The following DEFB104A variants were observed in gnomAD, a reference collection of about 807,000 sequenced individuals.
DEFB104A encodes the protein beta-defensin 104.
At chr8:7,837,533 A>G (rs1817673508) in intron 1 of DEFB104A, among the ~76,000 whole-genome samples, 1 of 140,650 alleles carries the variant, frequency 7.1e-6, no homozygotes, top group Non-Finnish European at 1.5e-5. Flanking sequence ...GTCATTTCCC[A>G]AAGACACTTC....
At chr8:7,837,446 T>C (rs1003059324) in intron 1 of DEFB104A, among the ~76,000 whole-genome samples, 4 of 142,830 alleles carry the variant, frequency 2.8e-5, no homozygotes, top group African/African-American at 1.0e-4. Flanking sequence ...GTGCCTCCAC[T>C]GTGATTCAGA....
At chr8:7,836,675 G>T in intron 1 of DEFB104A, 133 bp downstream of exon 1, 1 of 1,166,874 alleles carries the variant, frequency 8.6e-7, no homozygotes, top group Non-Finnish European at 1.2e-6. Flanking sequence ...TTTTCTCTTT[G>T]CTTTCATTGG....
chr8:7,839,047 T>C (rs1278860874), intron 1 of DEFB104A, among the ~76,000 whole-genome samples: 1 of 143,318 alleles, frequency 7.0e-6, no homozygotes, highest in Admixed American at 7.1e-5. Context: ...TTTTGCATTC[T>C]GTTTACTGAG....
chr8:7,838,704 A>ACAG (rs1554583356), intron 1 of DEFB104A, among the ~76,000 whole-genome samples: 1 of 135,420 alleles, frequency 7.4e-6, no homozygotes, highest in African/African-American at 2.6e-5. Flanking sequence ...AAACAAACAA[A>ACAG]AAAAAAAACA....
intron 1 of DEFB104A, among the ~76,000 whole-genome samples, chr8:7,839,286 C>G (rs1480511141): frequency 6.9e-6 from 1 of 144,630 alleles, no homozygotes; most frequent in South Asian, 2.2e-4. Context: ...AGCAAGCATG[C>G]TGTCCTCTTT....
At chr8:7,836,924 C>A (rs561687430) in intron 1 of DEFB104A, among the ~76,000 whole-genome samples, 1 of 142,716 alleles carries the variant, frequency 7.0e-6, no homozygotes, top group South Asian at 2.4e-4. Flanking sequence ...GAATAAGATG[C>A]CTTCCCCCAT....
chr8:7,836,798 T>C, intron 1 of DEFB104A, among the ~76,000 whole-genome samples: 1 of 143,858 alleles, frequency 7.0e-6, no homozygotes, highest in South Asian at 2.4e-4. Context: ...CTAGATGTCC[T>C]TGGCACCCTG....
chr8:7,838,732 C>A lies in DEFB104A; in HGVS notation c.58+2190C>A, dbSNP rs145681154. On this transcript the variant is annotated intron_variant, in intron 1 of 1. Coordinates refer to ENST00000314265, the MANE Select transcript of DEFB104A (RefSeq NM_080389.3). ...AAAAAACAAAGCAAATCTTACACGT[C>A]TTGATTGATGTATTATGTCTCCCTA... Among the ~76,000 whole-genome samples the A allele has an allele frequency of 4.8e-3, 648 of 135,922 alleles. 7 individuals are homozygous for A. Among genetic ancestry groups the A allele is most frequent in the African/African-American group, 0.015 (532 of 35,840 alleles). 89.2% of individuals were successfully genotyped at this position (135,922 alleles called of 152,430 possible).
chr8:7,837,211 A>T (rs371209599), intron 1 of DEFB104A, among the ~76,000 whole-genome samples: 4,372 of 124,116 alleles, frequency 0.035, 106 homozygotes, highest in Non-Finnish European at 0.044. Flanking sequence ...TGGATATGAG[A>T]GAGCACCTAA....
At chr8:7,839,221 G>A (rs1310217890) in intron 1 of DEFB104A, among the ~76,000 whole-genome samples, 2 of 146,068 alleles carry the variant, frequency 1.4e-5, no homozygotes, top group African/African-American at 4.9e-5. Flanking sequence ...TAAAGGTTGT[G>A]TTCTCTTCCT....
chr8:7,839,176 G>C (rs540626850), intron 1 of DEFB104A, among the ~76,000 whole-genome samples: 1 of 145,870 alleles, frequency 6.9e-6, no homozygotes, highest in Admixed American at 6.9e-5. Context: ...TAGATGGCCT[G>C]TGAGGGCTTG....
chr8:7,837,058 G>A lies in DEFB104A; in HGVS notation c.58+516G>A, dbSNP rs866777930. Among the ~76,000 whole-genome samples, 18 of 141,846 alleles carry A rather than the reference G, an allele frequency of 1.3e-4. 1 individual carries two copies. Among genetic ancestry groups the A allele is most frequent in the Admixed American group, 1.1e-3 (15 of 13,640 alleles). 93.1% of individuals were successfully genotyped at this position (141,846 alleles called of 152,430 possible). On this transcript the variant is annotated intron_variant, in intron 1 of 1. Coordinates refer to ENST00000314265, the MANE Select transcript of DEFB104A (RefSeq NM_080389.3). ...AAAGGGGATGCAGTGATTTCAGTAGGCAAGAACGTAATTTACTGACAACAC... is the reference window on the plus strand; with the variant it reads ...AAAGGGGATGCAGTGATTTCAGTAGACAAGAACGTAATTTACTGACAACAC...
rs1279016773 is a variant in DEFB104A, at chr8:7,836,461, C to A, written c.-24C>A. On this transcript the variant is annotated 5_prime_UTR_variant, in exon 1 of 2. Transcript: ENST00000314265. The stretch of plus-strand genomic sequence containing the variant: ...GGTGATTCCCTCCGACTTGCGTCTG[C>A]TTCTCGCCAGCAGCCCCAGCATTAT... 1 of 1,296,492 alleles carries A rather than the reference C, an allele frequency of 7.7e-7. No individual in the cohort carries two copies. Among genetic ancestry groups the A allele is most frequent in the Non-Finnish European group, 1.1e-6 (1 of 945,720 alleles). 80.3% of individuals were successfully genotyped at this position (1,296,492 alleles called of 1,614,324 possible). A position where few individuals can be genotyped will look rare whatever the true frequency, so the allele number is the denominator to read the frequency against.
chr8:7,839,247 T>C (rs1203102842), intron 1 of DEFB104A, among the ~76,000 whole-genome samples: 1 of 144,812 alleles, frequency 6.9e-6, no homozygotes, highest in East Asian at 2.0e-4. Context: ...ATTCTTCTTC[T>C]CCCCTAACGC....
chr8:7,838,804 T>C, intron 1 of DEFB104A, among the ~76,000 whole-genome samples: 1 of 141,438 alleles, frequency 7.1e-6, no homozygotes, highest in East Asian at 2.0e-4. Flanking sequence ...CTTGGGCACA[T>C]GTCCTCAGGA....
chr8:7,839,255 C>T (rs532903976), intron 1 of DEFB104A, among the ~76,000 whole-genome samples: 6 of 144,896 alleles, frequency 4.1e-5, no homozygotes, highest in East Asian at 4.0e-4. Context: ...TCTCCCCTAA[C>T]GCTAAGCTTC....
chr8:7,837,544 T>C (rs1239102672), intron 1 of DEFB104A, among the ~76,000 whole-genome samples: 4 of 140,914 alleles, frequency 2.8e-5, no homozygotes, highest in African/African-American at 1.1e-4. Context: ...AAGACACTTC[T>C]GTGAAATTCT....
At chr8:7,837,319 G>A (rs1465011692) in intron 1 of DEFB104A, among the ~76,000 whole-genome samples, 1 of 137,512 alleles carries the variant, frequency 7.3e-6, no homozygotes, top group African/African-American at 2.7e-5. Context: ...GCAGTGCTGG[G>A]ACGAAACCAA....
At chr8:7,838,740 A>C in intron 1 of DEFB104A, among the ~76,000 whole-genome samples, 1 of 141,862 alleles carries the variant, frequency 7.0e-6, no homozygotes, top group Non-Finnish European at 1.6e-5. Context: ...GTCTTGATTG[A>C]TGTATTATGT....
Sources: gnomAD v4.1 joint callset for allele counts (sites outside exome capture counted in the v4.1 genomes callset) on GRCh38, gnomAD v4.1.1 for gene constraint, MANE v1.5 for transcripts, NCBI Gene and HGNC (gene_info 2026-07-23, HGNC 2026-07-21) for gene names.